The following SI variants were observed in gnomAD, a reference collection of about 807,000 sequenced individuals.
The protein encoded by SI is sucrase-isomaltase, intestinal.
In SI, 235 loss-of-function variants were observed where a neutral mutation model predicts 253.3. That is an observed-to-expected ratio of 0.93 (90% CI 0.83 to 1.03). The LOEUF is 1.03. SI is among the 50% of genes least tolerant of loss of function. The pLI is 0.00. For missense variants in SI, 2,442 were observed against 2,211.1 expected, an observed-to-expected ratio of 1.10 and a Z score of -2.09; for synonymous variants, 819 against 712.0, an observed-to-expected ratio of 1.15 and a Z score of -2.39.
intron 1 of SI, among the ~76,000 whole-genome samples, chr3:165,077,230 T>C (rs981246521): frequency 6.6e-6 from 1 of 151,516 alleles, no homozygotes; most frequent in Non-Finnish European, 1.5e-5. Flanking sequence ...TTTCAATCCC[T>C]CCCCATCCAC....
chr3:165,058,877 C>CACACACACACACAA (rs1454610062), intron 12 of SI, 86 bp downstream of exon 12: 3 of 1,088,154 alleles, frequency 2.8e-6, no homozygotes, highest in Non-Finnish European at 2.8e-6. Flanking sequence ...CACACACACA[C>CACACACACACACAA]ACACACACAC....
At chr3:165,054,336 A>C (rs1713580036) in intron 13 of SI, among the ~76,000 whole-genome samples, 1 of 152,080 alleles carries the variant, frequency 6.6e-6, no homozygotes, top group Non-Finnish European at 1.5e-5. Flanking sequence ...AACTACAGAT[A>C]CACAACTTCA....
chr3:164,998,643 C>T lies in SI; in HGVS notation c.4437G>A (p.Gly1479=), dbSNP rs750083902. 1 of 1,611,588 alleles carries T rather than the reference C, an allele frequency of 6.2e-7. No homozygotes were observed. The highest frequency in any genetic ancestry group is 2.2e-5 in the East Asian group (1 of 44,790). The change falls in exon 38 of 48, where the codon GGG becomes GGA. Residue 1479 remains glycine, a synonymous_variant. Coordinates refer to ENST00000264382, the MANE Select transcript of SI (RefSeq NM_001041.4). ...DALQKTTGKR[G]IVISRSTYPT... Reference sequence around the variant, plus strand: ...GATACGTGGAACGAGAAATTACAATCCCTCTTTTTCCAGTTGTCTTCTGCA... The same window carrying T: ...GATACGTGGAACGAGAAATTACAATTCCTCTTTTTCCAGTTGTCTTCTGCA...
intron 37 of SI, among the ~76,000 whole-genome samples, chr3:165,002,809 A>G (rs1358830536): frequency 6.6e-6 from 1 of 151,836 alleles, no homozygotes; most frequent in Non-Finnish European, 1.5e-5. Context: ...CATATGAAAA[A>G]TATAAGACTG....
At chr3:165,076,643 G>T (rs535868526) in intron 1 of SI, among the ~76,000 whole-genome samples, 3 of 151,572 alleles carry the variant, frequency 2.0e-5, no homozygotes, top group South Asian at 2.1e-4. Context: ...TTTTCACCAA[G>T]TTCCTTCATC....
At position 165,033,037 on chromosome 3, in the gene SI, T is replaced by C. The variant is rs974146437; in HGVS notation, c.2566-345A>G. On this transcript the variant is annotated intron_variant, in intron 23 of 47. Coordinates refer to ENST00000264382, the MANE Select transcript of SI (RefSeq NM_001041.4). ...AATCATTTCTATTAACTATTCAAAA[T>C]TTAATAAACCAAAATCCACACCAAT... is the stretch of plus-strand genomic sequence containing the variant. Among the ~76,000 whole-genome samples the C allele has an allele frequency of 2.0e-5, 3 of 151,404 alleles. No individual in the cohort carries two copies. The Admixed American group carries it at 2.0e-4, about 10-fold the overall frequency.
At chr3:164,996,934 T>A (rs1559981980) in intron 38 of SI, among the ~76,000 whole-genome samples, 162 bp from the exon 39 acceptor site, 1 of 151,800 alleles carries the variant, frequency 6.6e-6, no homozygotes, top group Admixed American at 6.6e-5. Context: ...CTTCTCATAA[T>A]GCTCACACAT....
At chr3:165,041,348 T>C (rs975229795) in intron 17 of SI, among the ~76,000 whole-genome samples, 2 of 152,126 alleles carry the variant, frequency 1.3e-5, no homozygotes, top group African/African-American at 4.8e-5. Context: ...AAATAAATTT[T>C]TTTTTTACAA....
At chr3:165,036,574 G>A in intron 21 of SI, 97 bp from the exon 22 acceptor site, 3 of 771,194 alleles carry the variant, frequency 3.9e-6, no homozygotes, top group Non-Finnish European at 4.5e-6. Flanking sequence ...TGTTTTATGG[G>A]CCCTGAATTC....
intron 1 of SI, 33 bp from the exon 2 acceptor site, chr3:165,076,045 T>C: frequency 7.4e-7 from 1 of 1,351,526 alleles, no homozygotes; most frequent in Non-Finnish European, 1.0e-6. Context: ...ATTTAAAATG[T>C]AAAATATATA....
At position 165,046,931 on chromosome 3, in the gene SI, C is replaced by T. The variant is rs9838509; in HGVS notation, c.1797G>A (p.Ala599=). ...AAGCAGTATTGTCTCCTAACCAATGCGCAGCATGTCTTCCAGATCCAGCAA... is the reference window on the plus strand; with the variant it reads ...AAGCAGTATTGTCTCCTAACCAATGTGCAGCATGTCTTCCAGATCCAGCAA... ...STFAGSGRHA[A]HWLGDNTASW... Residue 599 remains alanine, a synonymous_variant, in exon 16 of 48, where the codon GCG becomes GCA. Transcript: ENST00000264382. 28 of 1,612,404 alleles carry T rather than the reference C, an allele frequency of 1.7e-5. 1 individual carries two copies. Among genetic ancestry groups the T allele is most frequent in the Middle Eastern group, 3.3e-4 (2 of 6,048 alleles).
chr3:165,067,514 G>A (rs777027029), intron 5 of SI, 23 bp from the exon 6 acceptor site: 1 of 1,579,626 alleles, frequency 6.3e-7, no homozygotes, highest in Admixed American at 1.7e-5. Flanking sequence ...AAGCAAGGTA[G>A]CATTACTGGA....
chr3:165,048,344 ATTAG>A (rs903979885), intron 15 of SI, among the ~76,000 whole-genome samples: 7 of 151,720 alleles, frequency 4.6e-5, no homozygotes, highest in African/African-American at 1.2e-4. Context: ...GTATTAGAAA[ATTAG>A]TTAGAAGGAT....
At chr3:164,986,610 C>T (rs898831537) in intron 45 of SI, among the ~76,000 whole-genome samples, 1 of 152,106 alleles carries the variant, frequency 6.6e-6, no homozygotes, top group Non-Finnish European at 1.5e-5. Context: ...ATCTTTGGGC[C>T]TTTATTCTGA....
At position 165,043,174 on chromosome 3, in the gene SI, A is replaced by T; in HGVS notation, c.1889T>A (p.Val630Asp). 2 of 1,593,404 alleles carry T rather than the reference A, an allele frequency of 1.3e-6. No homozygotes were observed. The highest frequency in any genetic ancestry group is 1.7e-6 in the Non-Finnish European group (2 of 1,162,492). ...CACAAATCCACAGATGTCTGCTCCA[A>T]CCTAAATAACAAATATATTTACTAT... ...LEFSLFGIPL[V>D]GADICGFVAE... is the part of the protein sequence containing the mutation. Residue 630 changes from valine to aspartate, a missense_variant and splice_region_variant, in exon 17 of 48, where the codon GTT (valine) becomes GAT (aspartate). Coordinates refer to ENST00000264382, the MANE Select transcript of SI (RefSeq NM_001041.4).
chr3:165,065,261 A>G lies in SI; in HGVS notation c.807T>C (p.Asp269=). The change falls in exon 7 of 48, where the codon GAT becomes GAC. Residue 269 remains aspartate (D), a splice_region_variant and synonymous_variant. Coordinates refer to ENST00000264382, the MANE Select transcript of SI (RefSeq NM_001041.4). Reference sequence around the variant, plus strand: ...TATAACAAGAAAAATAATTTCTTACATCACCAGGAAGTTGGTCTCGAGTAA... The same window carrying G: ...TATAACAAGAAAAATAATTTCTTACGTCACCAGGAAGTTGGTCTCGAGTAA... The part of the protein sequence containing the change: ...PIFTRDQLPG[D]NNNNLYGHQT... 1 of 1,586,058 alleles carries G rather than the reference A, an allele frequency of 6.3e-7. No homozygotes were observed. The highest frequency in any genetic ancestry group is 1.1e-5 in the South Asian group (1 of 90,418).
intron 16 of SI, among the ~76,000 whole-genome samples, chr3:165,043,464 G>T (rs1387940712): frequency 6.6e-6 from 1 of 151,746 alleles, no homozygotes; most frequent in African/African-American, 2.4e-5. Context: ...CATTGTAAAA[G>T]ATGAAATTAC....
chr3:165,001,176 C>T (rs1450610514), intron 37 of SI, among the ~76,000 whole-genome samples: 1 of 151,158 alleles, frequency 6.6e-6, no homozygotes, highest in Non-Finnish European at 1.5e-5. Context: ...AATTTATAAA[C>T]ATTTTCCAAA....
At chr3:164,992,289 AC>A (rs1222063582) in intron 42 of SI, 23 bp downstream of exon 42, 31 of 1,612,436 alleles carry the variant, frequency 1.9e-5, no homozygotes, top group Non-Finnish European at 2.3e-5. Context: ...AATTGTGTAA[AC>A]AAAAATATGT....
Sources: allele counts gnomAD v4.1 joint callset (sites outside exome capture counted in the v4.1 genomes callset), GRCh38; gene constraint gnomAD v4.1.1; transcripts MANE v1.5; gene names NCBI Gene and HGNC (gene_info 2026-07-23, HGNC 2026-07-21).